EIF4E2: variants seen among roughly 807,000 people sequenced by gnomAD.
EIF4E2 encodes the protein eukaryotic translation initiation factor 4E family member 2.
A neutral mutation model predicts 34.2 loss-of-function variants in EIF4E2; 13 were observed. The ratio of observed to expected loss-of-function variants is 0.38; its 90% CI spans 0.25 to 0.60. The LOEUF (loss-of-function observed/expected upper bound fraction) is 0.60. EIF4E2 is among the 20% of genes least tolerant of loss of function. EIF4E2 has a pLI of 0.62. For missense variants in EIF4E2, 222 were observed against 315.1 expected, an observed-to-expected ratio of 0.70 and a Z score of 2.24; for synonymous variants, 100 against 106.6, an observed-to-expected ratio of 0.94 and a Z score of 0.38.
downstream of EIF4E2, chr2:232,569,312 C>T (rs2087894563): frequency 8.8e-7 from 1 of 1,142,824 alleles, no homozygotes; most frequent in Admixed American, 3.8e-5. Context: ...CATGGAGGGC[C>T]ATCCGGGGAA....
At chr2:232,571,105 C>G (rs1471976818), downstream of EIF4E2, among the ~76,000 whole-genome samples, 1 of 152,198 alleles carries the variant, frequency 6.6e-6, no homozygotes, top group Non-Finnish European at 1.5e-5. Flanking sequence ...GGCCCAGTTC[C>G]CAATGTCCTT....
chr2:232,551,137 CTCCCCT>C, intron 1 of EIF4E2: 1 of 554,354 alleles, frequency 1.8e-6, no homozygotes, highest in Non-Finnish European at 3.6e-6. Flanking sequence ...CACACTCCCT[CTCCCCT>C]CTGAGCCTCA....
At chr2:232,560,523 C>T (rs1692686403) in intron 3 of EIF4E2, among the ~76,000 whole-genome samples, 1 of 152,178 alleles carries the variant, frequency 6.6e-6, no homozygotes, top group Non-Finnish European at 1.5e-5. Context: ...CGCCTGTAAT[C>T]CTTGTACTTT....
intron 6 of EIF4E2, chr2:232,567,425 G>A: frequency 1.5e-6 from 2 of 1,365,810 alleles, no homozygotes; most frequent in Non-Finnish European, 1.9e-6. Context: ...GTAGCAGAGA[G>A]AGCCCATCTG....
chr2:232,567,616 C>G, intron 6 of EIF4E2: 1 of 1,117,812 alleles, frequency 8.9e-7, no homozygotes, highest in Middle Eastern at 3.8e-4. Context: ...TTGTTAGCTT[C>G]AGTCTATTTT....
chr2:232,555,803 C>G (rs1165337401), intron 1 of EIF4E2, among the ~76,000 whole-genome samples: 1 of 152,164 alleles, frequency 6.6e-6, no homozygotes, highest in Non-Finnish European at 1.5e-5. Flanking sequence ...TTTTGCTGTA[C>G]TTTATCTTAG....
intron 3 of EIF4E2, among the ~76,000 whole-genome samples, chr2:232,560,527 G>A (rs186527666): frequency 4.2e-4 from 64 of 152,274 alleles, no homozygotes; most frequent in African/African-American, 1.5e-3. Flanking sequence ...TGTAATCCTT[G>A]TACTTTGGGA....
chr2:232,558,214 A>G (rs1692592453), intron 3 of EIF4E2, 196 bp downstream of exon 3: 2 of 583,636 alleles, frequency 3.4e-6, no homozygotes, highest in Non-Finnish European at 5.7e-6. Flanking sequence ...AGGTATCAAC[A>G]AATATGAGAA....
In EIF4E2 at chr2:232,581,554, CTCCTT is replaced by C. The variant is rs1403521493; in HGVS notation, c.*612_*616del. 5.6e-6 allele frequency: 1 copy of C among 179,470 alleles called. No individual in the cohort carries two copies. Among genetic ancestry groups the C allele is most frequent in the Non-Finnish European group, 1.2e-5 (1 of 85,160 alleles). The allele number at this position is 179,470 out of a possible 1,614,324, so 11.1% of individuals were successfully genotyped here. Reference sequence around the variant, plus strand: ...CCGGTCTCCTCTCCTGTGGGACTCTCTCCTTCTTAGGCACAGCTGCACTTAGAATT... The same window carrying C: ...CCGGTCTCCTCTCCTGTGGGACTCTCCTTAGGCACAGCTGCACTTAGAATT... On this transcript the variant is annotated 3_prime_UTR_variant, in exon 7 of 7. Coordinates refer to the EIF4E2 transcript ENST00000409098. The surrounding 1 kb of genome is among the most constrained non-coding windows in gnomAD (Gnocchi z 5.2).
chr2:232,567,623 T>C, intron 6 of EIF4E2: 1 of 1,100,578 alleles, frequency 9.1e-7, no homozygotes, highest in Non-Finnish European at 1.1e-6. Context: ...CTTCAGTCTA[T>C]TTTCTTTGTC....
rs904431011 is a variant in EIF4E2, at chr2:232,567,680, T to C, written c.665+466T>C. The C allele has an allele frequency of 6.9e-6, 7 of 1,010,818 alleles. No individual in the cohort carries two copies. The African/African-American group carries it at 8.6e-5, about 12-fold the overall frequency. The allele number at this position is 1,010,818 out of a possible 1,614,324, so 62.6% of individuals were successfully genotyped here. A position where few individuals can be genotyped will look rare whatever the true frequency, so the allele number is the denominator to read the frequency against. On this transcript the variant is annotated intron_variant, in intron 6 of 6. Coordinates refer to ENST00000258416, the MANE Select transcript of EIF4E2 (RefSeq NM_004846.4). ...AGGAATGACTCCATTTCCTTGTGTATAGAGCTGACTCTTAGAAGAAGGGGG... is the reference window on the plus strand; with the variant it reads ...AGGAATGACTCCATTTCCTTGTGTACAGAGCTGACTCTTAGAAGAAGGGGG...
chr2:232,569,131 GC>G lies in EIF4E2; in HGVS notation c.*115del, dbSNP rs1241351983. 4.0e-6 allele frequency: 6 copies of G among 1,508,832 alleles called. No homozygotes were observed. Among genetic ancestry groups the G allele is most frequent in the Non-Finnish European group, 5.3e-6 (6 of 1,127,374 alleles). The allele number at this position is 1,508,832 out of a possible 1,614,324, so 93.5% of individuals were successfully genotyped here. On this transcript the variant is annotated 3_prime_UTR_variant, in exon 7 of 7. Coordinates refer to ENST00000258416, the MANE Select transcript of EIF4E2 (RefSeq NM_004846.4). ...GTCCTGGACAAGAGGAATTGGAAGAGCATTTTATGTTTTAAGAACAGGCTGA... is the reference window on the plus strand; with the variant it reads ...GTCCTGGACAAGAGGAATTGGAAGAGATTTTATGTTTTAAGAACAGGCTGA...
intron 6 of EIF4E2, among the ~76,000 whole-genome samples, chr2:232,579,859 A>G (rs1023350907): frequency 1.3e-5 from 2 of 152,128 alleles, no homozygotes; most frequent in East Asian, 3.9e-4. Flanking sequence ...TCCAGAATCC[A>G]GGTAAAATTT....
intron 3 of EIF4E2, 48 bp downstream of exon 3, chr2:232,558,066 G>T: frequency 6.3e-7 from 1 of 1,599,416 alleles, no homozygotes; most frequent in South Asian, 1.1e-5. Context: ...GTTCGTTCAT[G>T]CCTGTATTGA....
At chr2:232,573,811 A>C (rs1213243080), downstream of EIF4E2, 3 of 339,508 alleles carry the variant, frequency 8.8e-6, no homozygotes, top group Admixed American at 1.2e-4. Context: ...TTTAGACATC[A>C]TAATGCTGTT....
chr2:232,560,760 A>G (rs1692694519), intron 3 of EIF4E2, among the ~76,000 whole-genome samples: 1 of 152,258 alleles, frequency 6.6e-6, no homozygotes, highest in East Asian at 1.9e-4. Context: ...TAATCTGCTT[A>G]ATATGAAATC....
intron 6 of EIF4E2, chr2:232,568,033 C>G: frequency 1.7e-5 from 17 of 982,814 alleles, no homozygotes; most frequent in Non-Finnish European, 2.1e-5. Flanking sequence ...GTTTCTCCAT[C>G]TGTAAAGTGG....
chr2:232,580,246 A>G (rs1302032944), intron 6 of EIF4E2, among the ~76,000 whole-genome samples: 1 of 152,060 alleles, frequency 6.6e-6, no homozygotes, highest in Non-Finnish European at 1.5e-5. Context: ...GAGGATTCTT[A>G]TTTGGTTGGT....
At chr2:232,573,944 C>G, downstream of EIF4E2, 1 of 510,736 alleles carries the variant, frequency 2.0e-6, no homozygotes, top group Non-Finnish European at 3.7e-6. Context: ...TTTTTGGTGA[C>G]AGTTGAGCAT....
Sources: allele counts gnomAD v4.1 joint callset (sites outside exome capture counted in the v4.1 genomes callset), GRCh38; gene constraint gnomAD v4.1.1; non-coding constraint Gnocchi (gnomAD v3.1); transcripts MANE v1.5; gene names NCBI Gene and HGNC (gene_info 2026-07-23, HGNC 2026-07-21).